The following IQCJ variants were observed in gnomAD, a reference collection of about 807,000 sequenced individuals.
IQCJ encodes the protein IQ domain-containing protein J.
In IQCJ, 9 loss-of-function variants were observed where a neutral mutation model predicts 11.0. The observed-to-expected ratio is 0.82, with a 90% CI of 0.49 to 1.43. IQCJ has a LOEUF of 1.43. Ranked by LOEUF, IQCJ falls within the 40% of genes most tolerant of loss-of-function variation. The pLI, the probability that IQCJ is intolerant of heterozygous loss-of-function variation, is 0.00. For synonymous variants in IQCJ, 55 were observed against 51.3 expected (o/e 1.07, Z -0.31); for missense variants, 146 against 133.2 (o/e 1.10, Z -0.47).
chr3:159,090,420 G>A (rs968987422), intron 1 of IQCJ, among the ~76,000 whole-genome samples: 1 of 151,796 alleles, frequency 6.6e-6, no homozygotes, highest in Non-Finnish European at 1.5e-5. Flanking sequence ...GGCCATCTTG[G>A]CTCCTCCACC....
intron 1 of IQCJ, among the ~76,000 whole-genome samples, chr3:159,124,529 C>T (rs968628447): frequency 6.6e-6 from 1 of 152,134 alleles, no homozygotes; most frequent in Non-Finnish European, 1.5e-5. Context: ...CCTCAACTCT[C>T]ACCTCTTCAG....
intron 1 of IQCJ, among the ~76,000 whole-genome samples, chr3:159,226,421 C>T (rs137888235): frequency 1.1e-3 from 174 of 152,188 alleles, no homozygotes; most frequent in Non-Finnish European, 2.2e-3. Flanking sequence ...AATATTATAA[C>T]GAAAGATGCT....
At chr3:159,109,600 G>T (rs766837688) in intron 1 of IQCJ, among the ~76,000 whole-genome samples, 8 of 149,832 alleles carry the variant, frequency 5.3e-5, no homozygotes, top group Non-Finnish European at 8.9e-5. Flanking sequence ...TGTCTAGCAA[G>T]AAATAATCAT....
At chr3:159,113,758 C>T (rs972311134) in intron 1 of IQCJ, among the ~76,000 whole-genome samples, 6 of 152,182 alleles carry the variant, frequency 3.9e-5, no homozygotes, top group African/African-American at 1.4e-4. Context: ...CTCTAATTAA[C>T]TACTGCTTAC....
At chr3:159,155,856 A>T (rs1463585316) in intron 1 of IQCJ, among the ~76,000 whole-genome samples, 2 of 152,252 alleles carry the variant, frequency 1.3e-5, no homozygotes, top group East Asian at 1.9e-4. Flanking sequence ...AACATAATGC[A>T]TATTACCATG....
At chr3:159,162,671 A>G (rs542368525) in intron 1 of IQCJ, among the ~76,000 whole-genome samples, 11 of 152,294 alleles carry the variant, frequency 7.2e-5, no homozygotes, top group East Asian at 1.9e-4. Context: ...TTGATAGACC[A>G]CTAGCAAGAC....
chr3:159,141,231 A>T (rs1720585734), intron 1 of IQCJ, among the ~76,000 whole-genome samples: 2 of 152,216 alleles, frequency 1.3e-5, no homozygotes, highest in Non-Finnish European at 2.9e-5. Context: ...GGAAAAGAAG[A>T]TCATATGCAG....
At chr3:159,254,812 G>A (rs1727797534) in intron 3 of IQCJ, among the ~76,000 whole-genome samples, 1 of 152,020 alleles carries the variant, frequency 6.6e-6, no homozygotes, top group Admixed American at 6.6e-5. Flanking sequence ...TGAATAGATG[G>A]CGGACACTTT....
chr3:159,151,195 G>T (rs972361702), intron 1 of IQCJ, among the ~76,000 whole-genome samples: 1 of 152,204 alleles, frequency 6.6e-6, no homozygotes, highest in African/African-American at 2.4e-5. Context: ...CAAGGCAATG[G>T]GTAGAGAGCC....
intron 1 of IQCJ, among the ~76,000 whole-genome samples, chr3:159,074,406 T>C (rs983520170): frequency 6.6e-6 from 1 of 152,050 alleles, no homozygotes; most frequent in African/African-American, 2.4e-5. Flanking sequence ...GACTTAAACA[T>C]TTGAATTGAG....
chr3:159,240,774 G>A (rs1019575230), intron 1 of IQCJ, among the ~76,000 whole-genome samples: 45 of 152,088 alleles, frequency 3.0e-4, no homozygotes, highest in African/African-American at 1.0e-3. Flanking sequence ...GTACTTTTTA[G>A]TAGAGAGGGG....
intron 1 of IQCJ, among the ~76,000 whole-genome samples, chr3:159,159,325 A>G (rs562402801): frequency 1.7e-3 from 263 of 152,252 alleles, no homozygotes; most frequent in African/African-American, 6.2e-3. Context: ...CAAGTCAAGT[A>G]TATCAAGTAT....
chr3:159,222,393 G>T (rs1479024420), intron 1 of IQCJ, among the ~76,000 whole-genome samples: 1 of 152,192 alleles, frequency 6.6e-6, no homozygotes, highest in East Asian at 1.9e-4. Context: ...GATGAACCTG[G>T]AGGATATCAT....
At chr3:159,106,228 C>T (rs1275119026) in intron 1 of IQCJ, among the ~76,000 whole-genome samples, 1 of 152,140 alleles carries the variant, frequency 6.6e-6, no homozygotes, top group Non-Finnish European at 1.5e-5. Context: ...CTGTTTTGGA[C>T]ATGCTTGGTT....
intron 1 of IQCJ, among the ~76,000 whole-genome samples, chr3:159,236,430 T>C (rs1726596343): frequency 1.3e-5 from 2 of 152,336 alleles, no homozygotes; most frequent in South Asian, 4.1e-4. Context: ...GGCAGTAAAT[T>C]GTAAAGCACA....
At chr3:159,143,419 CTT>C in intron 1 of IQCJ, among the ~76,000 whole-genome samples, 1 of 152,298 alleles carries the variant, frequency 6.6e-6, no homozygotes, top group East Asian at 1.9e-4. Context: ...CTGTTGATCT[CTT>C]TCTTTATCAT....
At chr3:159,152,745 G>A (rs577441357) in intron 1 of IQCJ, among the ~76,000 whole-genome samples, 4 of 152,240 alleles carry the variant, frequency 2.6e-5, no homozygotes, top group South Asian at 2.1e-4. Context: ...ATTCTAGTAA[G>A]GGAGAGAGAA....
intron 1 of IQCJ, among the ~76,000 whole-genome samples, chr3:159,203,534 A>G (rs1381614102): frequency 6.6e-6 from 1 of 151,938 alleles, no homozygotes; most frequent in Non-Finnish European, 1.5e-5. Context: ...AATTTCTGTC[A>G]TTAGAAGTAA....
intron 1 of IQCJ, among the ~76,000 whole-genome samples, chr3:159,226,993 A>G (rs1441980312): frequency 6.6e-6 from 1 of 152,222 alleles, no homozygotes; most frequent in East Asian, 1.9e-4. Flanking sequence ...ATGCCATTTA[A>G]GCACACACAG....
Sources: allele counts gnomAD v4.1 joint callset (sites outside exome capture counted in the v4.1 genomes callset), GRCh38; gene constraint gnomAD v4.1.1; transcripts MANE v1.5; gene names NCBI Gene and HGNC (gene_info 2026-07-23, HGNC 2026-07-21).